Variants in AAMP observed in about 807,000 individuals in gnomAD.
AAMP encodes the protein angio-associated migratory cell protein.
Under a neutral mutation model 51.1 loss-of-function variants are expected in AAMP, and 12 were observed. That is an observed-to-expected ratio of 0.23 (90% CI 0.15 to 0.38). The LOEUF (loss-of-function observed/expected upper bound fraction) is 0.38, where lower values mean the gene tolerates loss of function less well. AAMP is among the 10% of genes least tolerant of loss of function. The pLI is 1.00. For missense variants in AAMP, 418 were observed against 557.2 expected (o/e 0.75, Z 2.52); for synonymous variants, 210 against 218.7 (o/e 0.96, Z 0.35).
At position 218,265,451 on chromosome 2, in the gene AAMP, C is replaced by T; in HGVS notation, c.994G>A (p.Ala332Thr). The change falls in exon 9 of 11, where the codon GCA becomes ACA. Residue 332 changes from alanine to threonine, a missense_variant. Physicochemically the swap from Ala to Thr is moderately conservative, Grantham distance 58. Coordinates refer to ENST00000248450, the MANE Select transcript of AAMP (RefSeq NM_001087.5). This position sits in a 1 kb window ranked among gnomAD's most constrained non-coding sequence, Gnocchi z 6.6. ...GTCCCATCCAGGTAGCCAACAGCTGCCAGGGGCATCCTGGCCAGAGGAGCG... is the reference window on the plus strand; with the variant it reads ...GTCCCATCCAGGTAGCCAACAGCTGTCAGGGGCATCCTGGCCAGAGGAGCG... ...SLGFCSVMPL[A>T]AVGYLDGTLA... 1 of 1,569,774 alleles carries T rather than the reference C, an allele frequency of 6.4e-7. No homozygotes were observed.
intron 2 of AAMP, among the ~76,000 whole-genome samples, chr2:218,268,896 A>T (rs576313731): frequency 6.6e-6 from 1 of 151,852 alleles, no homozygotes; most frequent in African/African-American, 2.4e-5. Context: ...ACGGGGTTTC[A>T]CCATATTGGC....
At chr2:218,268,387 G>A (rs1021132652) in intron 2 of AAMP, among the ~76,000 whole-genome samples, 5 of 151,818 alleles carry the variant, frequency 3.3e-5, no homozygotes, top group South Asian at 2.1e-4. Context: ...CGCCCAGGCC[G>A]AAGCGCAGTG....
Position 218,265,198 on chromosome 2 carries a change from A to G in AAMP, c.1075-24T>C. 11 of 1,570,692 alleles carry G rather than the reference A, an allele frequency of 7.0e-6. No individual in the cohort carries two copies. Among genetic ancestry groups the G allele is most frequent in the Non-Finnish European group, 9.5e-6 (11 of 1,158,488 alleles). ...GACTGCCCCGAGGAATGACAGAGGC[A>G]GGGCGGAGGTTGGCAGGAGAGCTGA... On this transcript the variant is annotated intron_variant, in intron 9 of 10. Coordinates refer to ENST00000248450, the MANE Select transcript of AAMP (RefSeq NM_001087.5). This position sits in a 1 kb window ranked among gnomAD's most constrained non-coding sequence, Gnocchi z 6.6.
chr2:218,264,639 C>T (rs754434647), intron 10 of AAMP, 31 bp from the exon 11 acceptor site: 2 of 1,604,600 alleles, frequency 1.2e-6, no homozygotes, highest in Non-Finnish European at 1.7e-6. Context: ...ATTGCAGAGA[C>T]TGGGGGACCC....
In AAMP at chr2:218,267,683, C is replaced by T; in HGVS notation, c.275-70G>A. ...CTAGGGCTCTGTCCTTCACAATCTT[C>T]AGGAAACCCACCCCCTTTCACCCAA... is the stretch of plus-strand genomic sequence containing the variant. On this transcript the variant is annotated intron_variant, in intron 2 of 10. Coordinates refer to ENST00000248450, the MANE Select transcript of AAMP (RefSeq NM_001087.5). This position sits in a 1 kb window ranked among gnomAD's most constrained non-coding sequence, Gnocchi z 4.6. 1 of 1,583,952 alleles carries T rather than the reference C, an allele frequency of 6.3e-7. No homozygotes were observed. The highest frequency in any genetic ancestry group is 1.1e-5 in the South Asian group (1 of 90,000).
rs1004243535 is a variant in AAMP, at chr2:218,264,598, G to A, written c.1240C>T (p.Leu414=). The change falls in exon 11 of 11, where the codon CTG becomes TTG. Residue 414 remains leucine, a synonymous_variant. Transcript: ENST00000248450. ...LDFALSKDAS[L]VVTTSGDHKA... Reference sequence around the variant, plus strand: ...TGGTCTCCTGACGTGGTCACCACCAGGGAGGCATCTCTGTAAACAGAAAGC... The same window carrying A: ...TGGTCTCCTGACGTGGTCACCACCAAGGAGGCATCTCTGTAAACAGAAAGC... 1.2e-6 allele frequency: 2 copies of A among 1,614,070 alleles called. No homozygotes were observed. The highest frequency in any genetic ancestry group is 3.3e-5 in the Admixed American group (2 of 60,024).
rs1690639925 is a variant in AAMP, at chr2:218,266,770, G to A, written c.534+77C>T. The A allele has an allele frequency of 2.5e-6, 4 of 1,596,220 alleles. No individual in the cohort carries two copies. The South Asian group carries it at 3.3e-5, about 13-fold the overall frequency. ...TCAGAGCTGGCTTGGCGCAATAAAG[G>A]CAGAACTGGCCTCCCAAGCTTGCAC... On this transcript the variant is annotated intron_variant, in intron 4 of 10. Transcript: ENST00000248450. This position sits in a 1 kb window ranked among gnomAD's most constrained non-coding sequence, Gnocchi z 4.7.
At chr2:218,269,129 G>A (rs1022359716) in intron 2 of AAMP, among the ~76,000 whole-genome samples, 1 of 152,160 alleles carries the variant, frequency 6.6e-6, no homozygotes, top group African/African-American at 2.4e-5. Flanking sequence ...CACCACGCCC[G>A]GCCAAAGATA....
At position 218,267,279 on chromosome 2, in the gene AAMP, C is replaced by T; in HGVS notation, c.394+215G>A. On this transcript the variant is annotated intron_variant, in intron 3 of 10. Transcript: ENST00000248450. This position sits in a 1 kb window ranked among gnomAD's most constrained non-coding sequence, Gnocchi z 4.6. ...TGCTCCTATACCAATGTGGCCTTCTCTGGCCTTTCCTGGATTCCCTTGGCC... is the reference window on the plus strand; with the variant it reads ...TGCTCCTATACCAATGTGGCCTTCTTTGGCCTTTCCTGGATTCCCTTGGCC... 1 of 741,050 alleles carries T rather than the reference C, an allele frequency of 1.3e-6. No homozygotes were observed. Among genetic ancestry groups the T allele is most frequent in the Non-Finnish European group, 2.2e-6 (1 of 459,466 alleles). The allele number at this position is 741,050 out of a possible 1,614,324, so 45.9% of individuals were successfully genotyped here.
At position 218,266,811 on chromosome 2, in the gene AAMP, G is replaced by A; in HGVS notation, c.534+36C>T. 6.2e-7 allele frequency: 1 copy of A among 1,612,020 alleles called. No homozygotes were observed. Among genetic ancestry groups the A allele is most frequent in the Non-Finnish European group, 8.5e-7 (1 of 1,179,140 alleles). On this transcript the variant is annotated intron_variant, in intron 4 of 10. Coordinates refer to ENST00000248450, the MANE Select transcript of AAMP (RefSeq NM_001087.5). The surrounding 1 kb of genome is among the most constrained non-coding windows in gnomAD (Gnocchi z 4.7). ...AAGCTTGCACCCCCAACAACCCAAG[G>A]CCCCACAGAGCTGACTCCCGCTCTG...
rs183495418 is a variant in AAMP, at chr2:218,268,813, C to T, written c.274+569G>A. Among the ~76,000 whole-genome samples the T allele has an allele frequency of 5.6e-3, 845 of 151,770 alleles. 6 individuals carry two copies. The highest frequency in any genetic ancestry group is 7.6e-3 in the Non-Finnish European group (520 of 67,996). ...TCCCGGGTTCAAGCAATTCTCCTGCCTCAACCTCCCGAGGAGCTGGGACTA... is the reference window on the plus strand; with the variant it reads ...TCCCGGGTTCAAGCAATTCTCCTGCTTCAACCTCCCGAGGAGCTGGGACTA... On this transcript the variant is annotated intron_variant, in intron 2 of 10. Coordinates refer to ENST00000248450, the MANE Select transcript of AAMP (RefSeq NM_001087.5).
In AAMP at chr2:218,266,260, G is replaced by A; in HGVS notation, c.680-113C>T. On this transcript the variant is annotated intron_variant, in intron 5 of 10. Transcript: ENST00000248450. This position sits in a 1 kb window ranked among gnomAD's most constrained non-coding sequence, Gnocchi z 4.7. ...TGGAAGGGCCCAGACACTGCCCCAGGAATCACAGGTGAGTTCAGAGCAGGA... is the reference window on the plus strand; with the variant it reads ...TGGAAGGGCCCAGACACTGCCCCAGAAATCACAGGTGAGTTCAGAGCAGGA... 1 of 1,315,406 alleles carries A rather than the reference G, an allele frequency of 7.6e-7. No homozygotes were observed. The highest frequency in any genetic ancestry group is 1.3e-5 in the South Asian group (1 of 77,778). 81.5% of individuals were successfully genotyped at this position (1,315,406 alleles called of 1,614,324 possible).
intron 2 of AAMP, 64 bp downstream of exon 2, chr2:218,269,318 G>A (rs1690722444): frequency 5.6e-6 from 9 of 1,597,538 alleles, no homozygotes; most frequent in Non-Finnish European, 7.7e-6. Flanking sequence ...TCTGTCCATG[G>A]CTGATGTTTA....
rs1270299556 is a variant in AAMP, at chr2:218,267,159, G to A, written c.395-173C>T. Among the ~76,000 whole-genome samples the A allele has an allele frequency of 6.6e-6, 1 of 152,120 alleles. No individual in the cohort carries two copies. Among genetic ancestry groups the A allele is most frequent in the East Asian group, 1.9e-4 (1 of 5,190 alleles). Reference sequence around the variant, plus strand: ...CCACTCTAGGAACCAATACTCCCATGTCTGCTGGGAGACACTGCTGGCCCT... The same window carrying A: ...CCACTCTAGGAACCAATACTCCCATATCTGCTGGGAGACACTGCTGGCCCT... On this transcript the variant is annotated intron_variant, in intron 3 of 10. Transcript: ENST00000248450. This position sits in a 1 kb window ranked among gnomAD's most constrained non-coding sequence, Gnocchi z 4.6.
chr2:218,269,666 C>CGG (rs1182794220), intron 1 of AAMP, 132 bp from the exon 2 acceptor site: 1 of 1,443,090 alleles, frequency 6.9e-7, no homozygotes, highest in African/African-American at 1.4e-5. Context: ...CACCGGGGTC[C>CGG]GCGGGGGCGC....
Position 218,267,103 on chromosome 2 carries a change from G to A in AAMP, c.395-117C>T, listed in dbSNP as rs1308845386. On this transcript the variant is annotated intron_variant, in intron 3 of 10. Transcript: ENST00000248450. The surrounding 1 kb of genome is among the most constrained non-coding windows in gnomAD (Gnocchi z 4.6). ...CCAGCTAGGAAAAAAAGAGGGGCGG[G>A]ACTGAGCAGAACAGGTGCTGGAACT... 1.6e-6 allele frequency: 2 copies of A among 1,217,202 alleles called. No homozygotes were observed. Among genetic ancestry groups the A allele is most frequent in the East Asian group, 2.4e-5 (1 of 40,864 alleles). 75.4% of individuals were successfully genotyped at this position (1,217,202 alleles called of 1,614,324 possible).
Position 218,267,265 on chromosome 2 carries a change from C to A in AAMP, c.394+229G>T. On this transcript the variant is annotated intron_variant, in intron 3 of 10. Transcript: ENST00000248450. The surrounding 1 kb of genome is among the most constrained non-coding windows in gnomAD (Gnocchi z 4.6). ...CACCTCTGCCCGCCTGCTCCTATAC[C>A]AATGTGGCCTTCTCTGGCCTTTCCT... The A allele has an allele frequency of 1.4e-6, 1 of 691,516 alleles. No homozygotes were observed. Among genetic ancestry groups the A allele is most frequent in the Non-Finnish European group, 2.4e-6 (1 of 417,912 alleles). 42.8% of individuals were successfully genotyped at this position (691,516 alleles called of 1,614,324 possible).
In AAMP at chr2:218,265,311, C is replaced by T. The variant is rs1221307754; in HGVS notation, c.1074+60G>A. On this transcript the variant is annotated intron_variant, in intron 9 of 10. Transcript: ENST00000248450. The surrounding 1 kb of genome is among the most constrained non-coding windows in gnomAD (Gnocchi z 6.6). The stretch of plus-strand genomic sequence containing the variant: ...ATCTGGGGTAGATGCTCCTGGAGGC[C>T]TGGGCTTCCCCACCACTATGGACAC... 2 of 1,534,674 alleles carry T rather than the reference C, an allele frequency of 1.3e-6. No individual in the cohort carries two copies. Among genetic ancestry groups the T allele is most frequent in the East Asian group, 2.4e-5 (1 of 41,202 alleles).
rs1690667393 is a variant in AAMP at position 218,267,737 on chromosome 2, G to A, written c.275-124C>T. 1 of 1,195,958 alleles carries A rather than the reference G, an allele frequency of 8.4e-7. No individual in the cohort carries two copies. The highest frequency in any genetic ancestry group is 1.2e-6 in the Non-Finnish European group (1 of 841,232). The allele number at this position is 1,195,958 out of a possible 1,614,324, so 74.1% of individuals were successfully genotyped here. ...GTGTCTTTCCTCCTGGAAAACACAG[G>A]TACATCCAAGTTCTTCTAAGTTTCA... On this transcript the variant is annotated intron_variant, in intron 2 of 10. Transcript: ENST00000248450. The surrounding 1 kb of genome is among the most constrained non-coding windows in gnomAD (Gnocchi z 4.6).
Sources: gnomAD v4.1 joint callset for allele counts (sites outside exome capture counted in the v4.1 genomes callset) on GRCh38, gnomAD v4.1.1 for gene constraint, Gnocchi (gnomAD v3.1) non-coding constraint, MANE v1.5 for transcripts, NCBI Gene and HGNC (gene_info 2026-07-23, HGNC 2026-07-21) for gene names.